Variants in LHFPL3 observed in about 807,000 individuals in gnomAD.
LHFPL3 encodes the protein LHFPL tetraspan subfamily member 3, also known as LHFPL tetraspan subfamily member 3 protein.
A neutral mutation model predicts 19.3 loss-of-function variants in LHFPL3; 5 were observed. That is an observed-to-expected ratio of 0.26 (90% CI 0.14 to 0.54). LHFPL3 has a LOEUF of 0.54. Ranked by LOEUF, LHFPL3 falls within the 20% of genes least tolerant of loss-of-function variation. The pLI is 0.94. For synonymous variants in LHFPL3, 133 were observed against 126.2 expected, an observed-to-expected ratio of 1.05 and a Z score of -0.36; for missense variants, 249 against 307.4, an observed-to-expected ratio of 0.81 and a Z score of 1.42.
At chr7:104,416,950 C>T (rs1386083968) in intron 1 of LHFPL3, among the ~76,000 whole-genome samples, 1 of 152,164 alleles carries the variant, frequency 6.6e-6, no homozygotes, top group Non-Finnish European at 1.5e-5. Context: ...TCATAAGGAA[C>T]CTGCTCCCAC....
chr7:104,829,322 C>G (rs1246065001), intron 2 of LHFPL3, among the ~76,000 whole-genome samples: 1 of 151,476 alleles, frequency 6.6e-6, no homozygotes, highest in Non-Finnish European at 1.5e-5. Flanking sequence ...GATGTCATAG[C>G]TGCTTTTTTT....
At chr7:104,532,680 G>C (rs1232679754) in intron 1 of LHFPL3, among the ~76,000 whole-genome samples, 1 of 152,090 alleles carries the variant, frequency 6.6e-6, no homozygotes. Context: ...GCCAAGAAGG[G>C]AAGTTTTTGC....
chr7:104,634,509 C>T (rs182277644), intron 1 of LHFPL3, among the ~76,000 whole-genome samples: 37 of 152,276 alleles, frequency 2.4e-4, no homozygotes, highest in African/African-American at 8.2e-4. Flanking sequence ...TCAACATATA[C>T]ATTTTGGGCT....
intron 1 of LHFPL3, among the ~76,000 whole-genome samples, chr7:104,515,111 A>T (rs182818163): frequency 5.8e-4 from 89 of 152,304 alleles, no homozygotes; most frequent in African/African-American, 2.1e-3. Flanking sequence ...ATGAAGTGAA[A>T]TTGTGAGATG....
intron 2 of LHFPL3, among the ~76,000 whole-genome samples, chr7:104,830,077 G>A (rs1275555408): frequency 4.6e-5 from 7 of 151,914 alleles, no homozygotes; most frequent in Non-Finnish European, 1.0e-4. Context: ...TTCTCTGATG[G>A]CCAGTGATGA....
intron 2 of LHFPL3, among the ~76,000 whole-genome samples, chr7:104,806,300 T>C (rs965707579): frequency 6.6e-6 from 1 of 152,238 alleles, no homozygotes; most frequent in African/African-American, 2.4e-5. Flanking sequence ...TAGAGATGTA[T>C]TATGTCTTTT....
intron 1 of LHFPL3, among the ~76,000 whole-genome samples, chr7:104,638,056 A>G (rs748815294): frequency 6.6e-6 from 1 of 151,944 alleles, no homozygotes; most frequent in Non-Finnish European, 1.5e-5. Flanking sequence ...TGTGTCATCT[A>G]TGATTTCTTT....
intron 1 of LHFPL3, among the ~76,000 whole-genome samples, chr7:104,604,052 G>T (rs947796515): frequency 1.3e-5 from 2 of 152,196 alleles, no homozygotes; most frequent in Middle Eastern, 3.2e-3. Context: ...TTGTTCTGAT[G>T]GGGACTCCCT....
chr7:104,791,013 C>A (rs926283085), intron 2 of LHFPL3, among the ~76,000 whole-genome samples: 1 of 152,150 alleles, frequency 6.6e-6, no homozygotes, highest in African/African-American at 2.4e-5. Flanking sequence ...GGGAGATCTT[C>A]CACAAACTTT....
chr7:104,505,089 C>T (rs1793671289), intron 1 of LHFPL3, among the ~76,000 whole-genome samples: 1 of 152,158 alleles, frequency 6.6e-6, no homozygotes, highest in South Asian at 2.1e-4. Context: ...TAGAAGTTAG[C>T]ACATCAAAGC....
rs555309696 is a variant in LHFPL3 at position 104,562,994 on chromosome 7, G to A, written c.446-173681G>A. Among the ~76,000 whole-genome samples, 72 of 152,246 alleles carry A rather than the reference G, an allele frequency of 4.7e-4. No homozygotes were observed. The East Asian group carries it at 9.7e-3, about 20-fold the overall frequency. ...GGGGTGCTTGCCAGTTAGGCTGCTC[G>A]GGGGTCAGGGGTCAGGGACCCACTT... is the stretch of plus-strand genomic sequence containing the variant. On this transcript the variant is annotated intron_variant, in intron 1 of 2. Transcript: ENST00000424859.
At chr7:104,879,278 T>G (rs944432066) in intron 2 of LHFPL3, among the ~76,000 whole-genome samples, 2 of 152,116 alleles carry the variant, frequency 1.3e-5, no homozygotes, top group African/African-American at 4.8e-5. Flanking sequence ...TAGCTGGGCA[T>G]GGTGGCACAT....
chr7:104,629,016 T>TA (rs1300059922), intron 1 of LHFPL3, among the ~76,000 whole-genome samples: 4 of 152,332 alleles, frequency 2.6e-5, no homozygotes, highest in Admixed American at 1.3e-4. Flanking sequence ...AAAATATTGC[T>TA]AAAAAAATAC....
Position 104,723,389 on chromosome 7 carries a change from C to G in LHFPL3, c.446-13286C>G, listed in dbSNP as rs148220622. Among the ~76,000 whole-genome samples the G allele has an allele frequency of 3.2e-3, 482 of 152,252 alleles. 5 individuals are homozygous for G. The highest frequency in any genetic ancestry group is 0.011 in the African/African-American group (457 of 41,536). On this transcript the variant is annotated intron_variant, in intron 1 of 2. Transcript: ENST00000424859. The stretch of plus-strand genomic sequence containing the variant: ...TTTCTTTTCATCACTTCTCTGCTCA[C>G]CTCCAGCTTGTGAGCTCTCGTTTCT...
chr7:104,629,559 TTC>T (rs965322372), intron 1 of LHFPL3, among the ~76,000 whole-genome samples: 2 of 152,218 alleles, frequency 1.3e-5, no homozygotes, highest in African/African-American at 4.8e-5. Context: ...TTAGCAGGCC[TTC>T]TGTTATCTGT....
intron 1 of LHFPL3, among the ~76,000 whole-genome samples, chr7:104,587,579 T>C (rs1205210002): frequency 2.0e-5 from 3 of 152,228 alleles, no homozygotes; most frequent in Non-Finnish European, 4.4e-5. Context: ...ACAATAAACA[T>C]ACATGTTCAT....
chr7:104,606,034 T>G (rs1584434452), intron 1 of LHFPL3, among the ~76,000 whole-genome samples: 1 of 152,210 alleles, frequency 6.6e-6, no homozygotes, highest in Non-Finnish European at 1.5e-5. Context: ...TTATTTTTAT[T>G]TTTATTTTTG....
rs1483123404 is a variant in LHFPL3 at position 104,906,761 on chromosome 7, T to C, written c.*546T>C. On this transcript the variant is annotated 3_prime_UTR_variant, in exon 3 of 3. Transcript: ENST00000424859. ...GAGCCGTGACCTTTGGTTCTTCATC[T>C]CTACCATTCATTTACTTCACTGTGT... 1 of 153,006 alleles carries C rather than the reference T, an allele frequency of 6.5e-6. No homozygotes were observed. Among genetic ancestry groups the C allele is most frequent in the East Asian group, 1.9e-4 (1 of 5,204 alleles). 9.5% of individuals were successfully genotyped at this position (153,006 alleles called of 1,614,324 possible). A position where few individuals can be genotyped will look rare whatever the true frequency, so the allele number is the denominator to read the frequency against.
chr7:104,440,416 G>A (rs1792201426), intron 1 of LHFPL3, among the ~76,000 whole-genome samples: 1 of 151,218 alleles, frequency 6.6e-6, no homozygotes, highest in Admixed American at 6.6e-5. Flanking sequence ...GCCTGTCGTG[G>A]GGTGGGGGGA....
Sources: allele counts gnomAD v4.1 joint callset (sites outside exome capture counted in the v4.1 genomes callset), GRCh38; gene constraint gnomAD v4.1.1; transcripts MANE v1.5; gene names NCBI Gene and HGNC (gene_info 2026-07-23, HGNC 2026-07-21).